Variants in LRRC20 observed in about 807,000 individuals in gnomAD.
LRRC20 encodes leucine-rich repeat-containing protein 20.
A neutral mutation model predicts 14.4 loss-of-function variants in LRRC20; 11 were observed. The observed-to-expected ratio is 0.77, with a 90% confidence interval of 0.48 to 1.27. The LOEUF is 1.27. Among genes scored for constraint, LRRC20 ranks in the 50% most tolerant of loss-of-function variants. The pLI, the probability that LRRC20 is intolerant of heterozygous loss-of-function variation, is 0.00. For synonymous variants in LRRC20, 121 were observed against 107.3 expected, an observed-to-expected ratio of 1.13 and a Z score of -0.79; for missense variants, 219 against 251.2, an observed-to-expected ratio of 0.87 and a Z score of 0.87.
intron 2 of LRRC20, among the ~76,000 whole-genome samples, chr10:70,351,539 G>C (rs1052137478): frequency 6.6e-6 from 1 of 152,138 alleles, no homozygotes; most frequent in African/African-American, 2.4e-5. Context: ...CCTCTCTTCT[G>C]CATGGCAATC....
intron 4 of LRRC20, among the ~76,000 whole-genome samples, chr10:70,322,281 C>A (rs563952493): frequency 2.6e-5 from 4 of 152,210 alleles, no homozygotes; most frequent in African/African-American, 9.7e-5. Flanking sequence ...TGGTGAGACC[C>A]ACCTGTCTAC....
At chr10:70,366,582 T>C (rs1480928268) in intron 2 of LRRC20, among the ~76,000 whole-genome samples, 2 of 152,138 alleles carry the variant, frequency 1.3e-5, no homozygotes, top group Non-Finnish European at 2.9e-5. Context: ...AGAGAATGTA[T>C]ACAAGTAAAA....
chr10:70,365,379 A>G (rs1448489116), intron 2 of LRRC20, among the ~76,000 whole-genome samples: 2 of 152,336 alleles, frequency 1.3e-5, no homozygotes, highest in Non-Finnish European at 2.9e-5. Context: ...TTAAAGCTCT[A>G]GAATAGGGTC....
chr10:70,332,716 G>C (rs1201222812), intron 3 of LRRC20, among the ~76,000 whole-genome samples: 1 of 152,192 alleles, frequency 6.6e-6, no homozygotes, highest in African/African-American at 2.4e-5. Flanking sequence ...TTTATGCTCT[G>C]TTTGCTTACA....
chr10:70,373,962 G>T (rs1844404488), intron 2 of LRRC20, among the ~76,000 whole-genome samples: 1 of 152,196 alleles, frequency 6.6e-6, no homozygotes, highest in Non-Finnish European at 1.5e-5. Context: ...CTGATGCAGG[G>T]TGCCCACTCT....
intron 2 of LRRC20, among the ~76,000 whole-genome samples, chr10:70,344,427 C>T (rs1272785808): frequency 6.6e-6 from 1 of 152,080 alleles, no homozygotes; most frequent in African/African-American, 2.4e-5. Flanking sequence ...CAATGATATT[C>T]CTATGCACCA....
At chr10:70,370,161 G>C (rs1376946544) in intron 2 of LRRC20, among the ~76,000 whole-genome samples, 1 of 152,188 alleles carries the variant, frequency 6.6e-6, no homozygotes, top group Non-Finnish European at 1.5e-5. Context: ...TGAAATCACA[G>C]ACCTGTTAAT....
chr10:70,307,828 C>T (rs1841483286), intron 4 of LRRC20, among the ~76,000 whole-genome samples: 1 of 152,278 alleles, frequency 6.6e-6, no homozygotes. Flanking sequence ...ATACTGCTCA[C>T]CTTGCAGGGA....
At chr10:70,335,280 G>A (rs1842688275) in intron 3 of LRRC20, among the ~76,000 whole-genome samples, 1 of 152,160 alleles carries the variant, frequency 6.6e-6, no homozygotes, top group South Asian at 2.1e-4. Flanking sequence ...AAGCCCTCTG[G>A]GGCCCAGTTC....
rs11314061 is a variant in LRRC20, at chr10:70,311,222, A to ATTTTTTTTTT, written c.401-9724_401-9715dup. ...ACATCCAGGTTGTTTTCAACATTCCATTTTTTTTTTTTTTTTTTTTTTTTG... is the reference window on the plus strand; with the variant it reads ...ACATCCAGGTTGTTTTCAACATTCCATTTTTTTTTTTTTTTTTTTTTTTTTTTTTTTTTTG... On this transcript the variant is annotated intron_variant, in intron 4 of 4. Coordinates refer to ENST00000446961, the MANE Select transcript of LRRC20 (RefSeq NM_001278212.2). 9.3e-5 allele frequency among the ~76,000 whole-genome samples: 8 copies of ATTTTTTTTTT among 86,346 alleles called. 1 individual carries two copies. In the South Asian group the frequency reaches 1.8e-3, roughly 20 times the overall value. 56.6% of individuals were successfully genotyped at this position (86,346 alleles called of 152,430 possible). A position where few individuals can be genotyped will look rare whatever the true frequency, so the allele number is the denominator to read the frequency against.
intron 4 of LRRC20, among the ~76,000 whole-genome samples, chr10:70,320,675 CAT>C (rs1421120360): frequency 1.3e-5 from 2 of 152,192 alleles, no homozygotes; most frequent in Non-Finnish European, 2.9e-5. Flanking sequence ...GGGTCACACA[CAT>C]AGACTGGAGG....
At chr10:70,310,756 C>G (rs11592894) in intron 4 of LRRC20, among the ~76,000 whole-genome samples, 36,258 of 152,150 alleles carry the variant, frequency 0.24, 5,501 homozygotes, top group Non-Finnish European at 0.33. Context: ...TCTGTGACTA[C>G]AGCTACACTC....
chr10:70,339,525 G>A (rs1564628398), intron 3 of LRRC20, among the ~76,000 whole-genome samples: 1 of 151,922 alleles, frequency 6.6e-6, no homozygotes, highest in Admixed American at 6.6e-5. Context: ...GATGAAGCAG[G>A]ATCTGCCCCC....
intron 2 of LRRC20, among the ~76,000 whole-genome samples, chr10:70,363,634 CA>C (rs1341748240): frequency 1.3e-5 from 2 of 152,178 alleles, no homozygotes; most frequent in Admixed American, 1.3e-4. Context: ...TTATCCAGCT[CA>C]AAAACCAAAG....
chr10:70,340,806 C>T, intron 2 of LRRC20, 104 bp from the exon 3 acceptor site: 2 of 1,223,554 alleles, frequency 1.6e-6, no homozygotes, highest in South Asian at 1.4e-5. Flanking sequence ...TTCCAGCCTC[C>T]TTGCCCTCCC....
intron 4 of LRRC20, among the ~76,000 whole-genome samples, chr10:70,312,372 C>CCA (rs71009290): frequency 0.24 from 36,318 of 151,838 alleles, 5,472 homozygotes; most frequent in Non-Finnish European, 0.33. Context: ...GGCTCCGGAG[C>CCA]CACACACACA....
chr10:70,314,675 T>A (rs997484928), intron 4 of LRRC20, among the ~76,000 whole-genome samples: 1 of 151,800 alleles, frequency 6.6e-6, no homozygotes, highest in African/African-American at 2.4e-5. Context: ...ACAGATAGTT[T>A]GAGCATCGCT....
At position 70,311,222 on chromosome 10, in the gene LRRC20, A is replaced by ATTTTTTTTTTTTTTTTTTT. The variant is rs11314061; in HGVS notation, c.401-9733_401-9715dup. 1.9e-4 allele frequency among the ~76,000 whole-genome samples: 16 copies of ATTTTTTTTTTTTTTTTTTT among 86,348 alleles called. 1 individual carries two copies. Among genetic ancestry groups the ATTTTTTTTTTTTTTTTTTT allele is most frequent in the South Asian group, 9.1e-4 (2 of 2,202 alleles). The allele number at this position is 86,348 out of a possible 152,430, so 56.6% of individuals were successfully genotyped here. ...ACATCCAGGTTGTTTTCAACATTCCATTTTTTTTTTTTTTTTTTTTTTTTG... is the reference window on the plus strand; with the variant it reads ...ACATCCAGGTTGTTTTCAACATTCCATTTTTTTTTTTTTTTTTTTTTTTTTTTTTTTTTTTTTTTTTTTG... On this transcript the variant is annotated intron_variant, in intron 4 of 4. Transcript: ENST00000446961.
In LRRC20 at chr10:70,299,653, A is replaced by T. The variant is rs1460851345; in HGVS notation, c.*1701T>A. 6.6e-6 allele frequency: 1 copy of T among 152,092 alleles called. No homozygotes were observed. Among genetic ancestry groups the T allele is most frequent in the Non-Finnish European group, 1.5e-5 (1 of 68,096 alleles). The allele number at this position is 152,092 out of a possible 1,614,324, so 9.4% of individuals were successfully genotyped here. The stretch of plus-strand genomic sequence containing the variant: ...CTCTTCTTCAACAAGGAGAAACCCC[A>T]CTCCAGGGCACAAGGCAGGTGGGGC... On this transcript the variant is annotated 3_prime_UTR_variant, in exon 5 of 5. Transcript: ENST00000446961.
Sources: gnomAD v4.1 joint callset for allele counts (sites outside exome capture counted in the v4.1 genomes callset) on GRCh38, gnomAD v4.1.1 for gene constraint, MANE v1.5 for transcripts, NCBI Gene and HGNC (gene_info 2026-07-23, HGNC 2026-07-21) for gene names.